Variants in RNGTT observed in about 807,000 individuals in gnomAD.
The protein encoded by RNGTT is RNA guanylyltransferase and 5'-phosphatase, also known as mRNA-capping enzyme.
RNGTT carries 33 observed loss-of-function variants against 79.3 expected under a neutral mutation model. The ratio of observed to expected loss-of-function variants is 0.42; its 90% confidence interval spans 0.32 to 0.56. RNGTT has a LOEUF of 0.56. RNGTT is among the 20% of genes least tolerant of loss of function. RNGTT has a pLI of 0.17. For missense variants in RNGTT, 497 were observed against 739.1 expected (o/e 0.67, Z 3.80); for synonymous variants, 222 against 235.9 (o/e 0.94, Z 0.54).
chr6:88,909,500 A>G (rs531457618), intron 4 of RNGTT, among the ~76,000 whole-genome samples: 13 of 152,300 alleles, frequency 8.5e-5, no homozygotes, highest in African/African-American at 3.1e-4. Flanking sequence ...TAGGTCCCTA[A>G]GGAGTTTCAG....
intron 11 of RNGTT, among the ~76,000 whole-genome samples, chr6:88,827,141 C>G (rs964961985): frequency 5.9e-5 from 9 of 152,016 alleles, no homozygotes; most frequent in African/African-American, 2.2e-4. Context: ...CAGCTCCCAG[C>G]GAGATCAATG....
At chr6:88,849,871 A>AT (rs202128011) in intron 9 of RNGTT, 45 bp from the exon 10 acceptor site, 78 of 1,474,818 alleles carry the variant, frequency 5.3e-5, no homozygotes, top group Non-Finnish European at 6.2e-5. Context: ...TTTAATAACA[A>AT]TTTTTTTTAA....
chr6:88,729,584 C>G (rs750427124), intron 13 of RNGTT, among the ~76,000 whole-genome samples: 4 of 151,998 alleles, frequency 2.6e-5, no homozygotes, highest in Non-Finnish European at 5.9e-5. Flanking sequence ...GGATAAACTA[C>G]ATCTATTATA....
chr6:88,647,711 A>AG (rs1773627414), intron 14 of RNGTT, among the ~76,000 whole-genome samples: 1 of 148,366 alleles, frequency 6.7e-6, no homozygotes, highest in African/African-American at 2.6e-5. Context: ...TAAAAAAAAA[A>AG]AAAAAAGAAG....
chr6:88,847,554 A>T (rs1467579782), intron 10 of RNGTT, among the ~76,000 whole-genome samples: 1 of 152,180 alleles, frequency 6.6e-6, no homozygotes, highest in Non-Finnish European at 1.5e-5. Context: ...GATACTTTCA[A>T]TTATAAATGC....
At chr6:88,950,653 A>T (rs1314649340) in intron 1 of RNGTT, among the ~76,000 whole-genome samples, 1 of 152,174 alleles carries the variant, frequency 6.6e-6, no homozygotes, top group African/African-American at 2.4e-5. Flanking sequence ...AAATAGCAAA[A>T]GAACTAGAAT....
intron 14 of RNGTT, among the ~76,000 whole-genome samples, chr6:88,630,851 A>G (rs1326664611): frequency 1.3e-5 from 2 of 152,172 alleles, no homozygotes; most frequent in Non-Finnish European, 2.9e-5. Flanking sequence ...AAACCCAACA[A>G]TGAGAACAAT....
intron 11 of RNGTT, among the ~76,000 whole-genome samples, chr6:88,818,810 T>C (rs1780410630): frequency 6.6e-6 from 1 of 152,222 alleles, no homozygotes; most frequent in Non-Finnish European, 1.5e-5. Context: ...TAACTTCTCT[T>C]AAAATCAGCA....
intron 11 of RNGTT, among the ~76,000 whole-genome samples, chr6:88,827,451 A>C (rs1780708270): frequency 6.6e-6 from 1 of 152,178 alleles, no homozygotes; most frequent in Non-Finnish European, 1.5e-5. Context: ...TTTCAAGCAC[A>C]AAACTAGGTG....
chr6:88,871,563 CT>C (rs1444308994), intron 8 of RNGTT, among the ~76,000 whole-genome samples: 1 of 152,102 alleles, frequency 6.6e-6, no homozygotes, highest in Non-Finnish European at 1.5e-5. Flanking sequence ...TATAAACAGA[CT>C]ACTACTTTTA....
intron 13 of RNGTT, among the ~76,000 whole-genome samples, chr6:88,746,402 T>C (rs934673006): frequency 4.6e-5 from 7 of 152,196 alleles, no homozygotes; most frequent in Admixed American, 3.3e-4. Context: ...CTTTAAATTA[T>C]GTACCAAATC....
chr6:88,901,889 C>T (rs1180064872), intron 6 of RNGTT, among the ~76,000 whole-genome samples: 1 of 152,110 alleles, frequency 6.6e-6, no homozygotes, highest in Non-Finnish European at 1.5e-5. Flanking sequence ...TGTGCAACAG[C>T]ATACCCACAT....
At chr6:88,958,483 C>G (rs1373358326) in intron 1 of RNGTT, among the ~76,000 whole-genome samples, 1 of 152,096 alleles carries the variant, frequency 6.6e-6, no homozygotes. Flanking sequence ...TGACAAAGAA[C>G]TAATATCCAG....
intron 14 of RNGTT, among the ~76,000 whole-genome samples, chr6:88,667,162 C>A (rs563808887): frequency 5.3e-5 from 8 of 152,254 alleles, no homozygotes; most frequent in Non-Finnish European, 5.9e-5. Context: ...CCCCTCTGCT[C>A]TCTCAGGCAC....
intron 14 of RNGTT, among the ~76,000 whole-genome samples, chr6:88,645,628 A>AC (rs2127775106): frequency 6.6e-6 from 1 of 152,344 alleles, no homozygotes; most frequent in South Asian, 2.1e-4. Flanking sequence ...AGTAACCAAA[A>AC]CAGCATGGTA....
intron 13 of RNGTT, among the ~76,000 whole-genome samples, chr6:88,686,690 A>G (rs922627166): frequency 2.0e-5 from 3 of 152,148 alleles, no homozygotes; most frequent in Non-Finnish European, 2.9e-5. Flanking sequence ...CTTTCTAATA[A>G]ATAGTGCAGG....
chr6:88,840,415 G>C (rs1202468544), intron 11 of RNGTT, among the ~76,000 whole-genome samples: 1 of 151,932 alleles, frequency 6.6e-6, no homozygotes, highest in Non-Finnish European at 1.5e-5. Flanking sequence ...TATTTATTTC[G>C]AGACAGTGTC....
At chr6:88,955,280 G>C (rs1785388712) in intron 1 of RNGTT, among the ~76,000 whole-genome samples, 1 of 152,106 alleles carries the variant, frequency 6.6e-6, no homozygotes, top group African/African-American at 2.4e-5. Context: ...ACCAGGCGTG[G>C]TGGCTCATGC....
At chr6:88,896,615 G>A (rs1783258109) in intron 6 of RNGTT, among the ~76,000 whole-genome samples, 1 of 152,146 alleles carries the variant, frequency 6.6e-6, no homozygotes, top group African/African-American at 2.4e-5. Flanking sequence ...TCCAGGTCCA[G>A]GTTCCAATAT....
Sources: allele counts gnomAD v4.1 joint callset (sites outside exome capture counted in the v4.1 genomes callset), GRCh38; gene constraint gnomAD v4.1.1; transcripts MANE v1.5; gene names NCBI Gene and HGNC (gene_info 2026-07-23, HGNC 2026-07-21).